Variants in GPATCH2L observed in about 807,000 individuals in gnomAD.
GPATCH2L encodes G-patch domain containing 2 like.
GPATCH2L carries 31 observed loss-of-function variants against 57.4 expected under a neutral mutation model. The ratio of observed to expected loss-of-function variants is 0.54; its 90% CI spans 0.41 to 0.73. The LOEUF (loss-of-function observed/expected upper bound fraction) is 0.73, where lower values mean the gene tolerates loss of function less well. Among genes scored for constraint, GPATCH2L ranks in the 30% least tolerant of loss-of-function variants. The probability of loss-of-function intolerance (pLI) is 0.00; values close to 1 mark genes in which losing one functional copy is unlikely to be tolerated. For synonymous variants in GPATCH2L, 199 were observed against 210.7 expected (o/e 0.94, Z 0.48); for missense variants, 481 against 599.9 (o/e 0.80, Z 2.07).
intron 3 of GPATCH2L, among the ~76,000 whole-genome samples, chr14:76,170,180 C>T (rs902402245): frequency 2.6e-5 from 4 of 152,104 alleles, no homozygotes; most frequent in Non-Finnish European, 5.9e-5. Context: ...TGGAGATCTC[C>T]ACAGTGATTT....
intron 1 of GPATCH2L, chr14:76,152,959 TCC>T (rs949983736): frequency 2.8e-6 from 1 of 355,272 alleles, no homozygotes; most frequent in African/African-American, 2.1e-5. Context: ...TCCCATTTTT[TCC>T]CCTTCTTTTC....
intron 1 of GPATCH2L, among the ~76,000 whole-genome samples, chr14:76,227,314 C>A (rs534774439): frequency 6.6e-6 from 1 of 152,176 alleles, no homozygotes; most frequent in South Asian, 2.1e-4. Flanking sequence ...TGTGGTGTTT[C>A]TCCCTCTTCT....
intron 9 of GPATCH2L, among the ~76,000 whole-genome samples, chr14:76,197,398 C>CCTTG (rs2040188756): frequency 6.6e-6 from 1 of 152,082 alleles, no homozygotes; most frequent in Admixed American, 6.6e-5. Context: ...AGTTTAAAAT[C>CCTTG]CTTGTTCCAT....
At chr14:76,196,251 A>G (rs2040147037) in intron 9 of GPATCH2L, 2 of 614,888 alleles carry the variant, frequency 3.3e-6, no homozygotes, top group African/African-American at 3.7e-5. Context: ...CAGACAGGAA[A>G]TTAGGTCCAT....
At chr14:76,193,373 A>G (rs150295008) in intron 8 of GPATCH2L, among the ~76,000 whole-genome samples, 107 of 152,252 alleles carry the variant, frequency 7.0e-4, no homozygotes, top group African/African-American at 2.5e-3. Context: ...ATGGGGGCAA[A>G]TAAAAGGCAG....
At chr14:76,199,373 C>G (rs1455022157) in intron 9 of GPATCH2L, among the ~76,000 whole-genome samples, 1 of 151,832 alleles carries the variant, frequency 6.6e-6, no homozygotes, top group East Asian at 1.9e-4. Context: ...TATATGAAAT[C>G]AAAGTATGTC....
At chr14:76,199,852 A>G (rs945177106) in intron 9 of GPATCH2L, among the ~76,000 whole-genome samples, 1 of 152,228 alleles carries the variant, frequency 6.6e-6, no homozygotes, top group African/African-American at 2.4e-5. Flanking sequence ...GAGACTCAAA[A>G]TAGATTTTTG....
chr14:76,196,929 T>C (rs1432583499), intron 9 of GPATCH2L, among the ~76,000 whole-genome samples: 1 of 152,188 alleles, frequency 6.6e-6, no homozygotes, highest in Non-Finnish European at 1.5e-5. Context: ...TGGTTCATAC[T>C]GGACAATCTT....
intron 2 of GPATCH2L, among the ~76,000 whole-genome samples, chr14:76,156,738 C>T (rs1298845999): frequency 6.6e-6 from 1 of 152,140 alleles, no homozygotes; most frequent in Admixed American, 6.5e-5. Context: ...TATGTTTCTT[C>T]CCCTTAATTT....
intron 8 of GPATCH2L, among the ~76,000 whole-genome samples, chr14:76,190,272 C>T (rs1380488488): frequency 6.6e-6 from 1 of 152,036 alleles, no homozygotes; most frequent in Non-Finnish European, 1.5e-5. Context: ...TAGAAAGAAT[C>T]CTCTTTCCAT....
intron 8 of GPATCH2L, among the ~76,000 whole-genome samples, chr14:76,192,119 C>CTTT (rs550626099): frequency 1.8e-4 from 24 of 136,644 alleles, no homozygotes; most frequent in African/African-American, 5.9e-4. Context: ...AGGACTTACT[C>CTTT]TTTTTTTTTT....
In GPATCH2L at chr14:76,164,086, A is replaced by T. The variant is rs548742081; in HGVS notation, c.663-2577A>T. Among the ~76,000 whole-genome samples the T allele has an allele frequency of 7.9e-5, 12 of 152,164 alleles. No individual in the cohort carries two copies. The South Asian group carries it at 2.5e-3, about 32-fold the overall frequency. On this transcript the variant is annotated intron_variant, in intron 2 of 9. Transcript: ENST00000261530. ...TTGTTTCTGGATCTGGAGGCTTCAG[A>T]TCATTTGAGGCCCTGGCCCAGCCCT... is the stretch of plus-strand genomic sequence containing the variant.
At chr14:76,164,418 A>G (rs1319364546) in intron 2 of GPATCH2L, among the ~76,000 whole-genome samples, 1 of 152,170 alleles carries the variant, frequency 6.6e-6, no homozygotes, top group South Asian at 2.1e-4. Context: ...ATGAGTATCA[A>G]AAATGTTTTT....
chr14:76,177,152 C>T lies in GPATCH2L; in HGVS notation c.1052+462C>T, dbSNP rs111370519. ...CCTCTGCCTCCTAGGCTCAAGCAAT[C>T]CTCCCACTTTGGCCTCTTGAGTAGT... is the stretch of plus-strand genomic sequence containing the variant. On this transcript the variant is annotated intron_variant, in intron 6 of 9. Transcript: ENST00000261530. Among the ~76,000 whole-genome samples, 17 of 152,196 alleles carry T rather than the reference C, an allele frequency of 1.1e-4. No homozygotes were observed. In the South Asian group the frequency reaches 3.5e-3, roughly 32 times the overall value.
At chr14:76,181,114 C>G (rs2139718688) in intron 8 of GPATCH2L, among the ~76,000 whole-genome samples, 1 of 152,102 alleles carries the variant, frequency 6.6e-6, no homozygotes, top group East Asian at 1.9e-4. Context: ...TGCTAAAAGC[C>G]CCATCTTCAA....
chr14:76,188,693 G>C (rs2039860403), intron 8 of GPATCH2L, among the ~76,000 whole-genome samples: 1 of 152,050 alleles, frequency 6.6e-6, no homozygotes, highest in Non-Finnish European at 1.5e-5. Flanking sequence ...TTGCTGTGCA[G>C]AAGGTTTTTA....
intron 9 of GPATCH2L, among the ~76,000 whole-genome samples, chr14:76,197,127 G>T (rs866087389): frequency 2.0e-4 from 30 of 152,094 alleles, no homozygotes; most frequent in African/African-American, 6.5e-4. Flanking sequence ...AGGCCACATG[G>T]TTGATAAATT....
At chr14:76,231,622 T>TACACAC (rs60488808) in intron 2 of GPATCH2L, among the ~76,000 whole-genome samples, 68,307 of 147,216 alleles carry the variant, frequency 0.46, 16,216 homozygotes, top group East Asian at 0.73. Flanking sequence ...ACTAAACACA[T>TACACAC]ACACACACAC....
intron 2 of GPATCH2L, among the ~76,000 whole-genome samples, chr14:76,160,056 C>T (rs890484190): frequency 7.2e-5 from 11 of 152,092 alleles, no homozygotes; most frequent in African/African-American, 2.4e-4. Context: ...ATGGTGTGAA[C>T]CCGGGAGGCG....
Sources: gnomAD v4.1 joint callset for allele counts (sites outside exome capture counted in the v4.1 genomes callset) on GRCh38, gnomAD v4.1.1 for gene constraint, MANE v1.5 for transcripts, NCBI Gene and HGNC (gene_info 2026-07-23, HGNC 2026-07-21) for gene names.